Variants in THSD7A observed in about 807,000 individuals in gnomAD.
The protein encoded by THSD7A is thrombospondin type-1 domain-containing protein 7A.
A neutral mutation model predicts 231.3 loss-of-function variants in THSD7A; 96 were observed. The observed-to-expected ratio is 0.41, with a 90% CI of 0.35 to 0.49. The LOEUF is 0.49. Among genes scored for constraint, THSD7A ranks in the 20% least tolerant of loss-of-function variants. THSD7A has a pLI of 0.05. For missense variants in THSD7A, 2,290 were observed against 2,070.2 expected (o/e 1.11, Z -2.06); for synonymous variants, 940 against 743.3 (o/e 1.26, Z -4.30).
At chr7:11,749,361 T>TCC (rs1782423487) in intron 1 of THSD7A, among the ~76,000 whole-genome samples, 1 of 151,864 alleles carries the variant, frequency 6.6e-6, no homozygotes, top group Non-Finnish European at 1.5e-5. Context: ...CCCCCTTAAT[T>TCC]CTTAGAGCAT....
At chr7:11,398,121 G>T (rs6954956) in intron 23 of THSD7A, among the ~76,000 whole-genome samples, 3 of 151,852 alleles carry the variant, frequency 2.0e-5, no homozygotes, top group Admixed American at 2.0e-4. Flanking sequence ...CAATAGCGAA[G>T]ACTTGGAACC....
chr7:11,546,448 A>C (rs1789404610), intron 4 of THSD7A, among the ~76,000 whole-genome samples: 1 of 152,158 alleles, frequency 6.6e-6, no homozygotes, highest in Admixed American at 6.5e-5. Flanking sequence ...TCCCCAGTGT[A>C]CTGAGCTGAG....
At chr7:11,695,701 G>T (rs943868113) in intron 1 of THSD7A, among the ~76,000 whole-genome samples, 3 of 151,482 alleles carry the variant, frequency 2.0e-5, no homozygotes, top group Non-Finnish European at 1.5e-5. Flanking sequence ...AAGATAGTAG[G>T]TTAGGACATT....
chr7:11,625,667 C>T (rs187220649), intron 2 of THSD7A, among the ~76,000 whole-genome samples: 14 of 151,314 alleles, frequency 9.3e-5, no homozygotes, highest in African/African-American at 3.4e-4. Flanking sequence ...AATGTGTTAG[C>T]AGACTCTAAA....
chr7:11,528,573 T>C (rs1467249840), intron 6 of THSD7A, among the ~76,000 whole-genome samples: 1 of 152,220 alleles, frequency 6.6e-6, no homozygotes, highest in Non-Finnish European at 1.5e-5. Flanking sequence ...ATTAATCTTC[T>C]ATAATTTTAT....
intron 23 of THSD7A, among the ~76,000 whole-genome samples, chr7:11,397,725 A>G (rs556287749): frequency 8.9e-4 from 135 of 152,322 alleles, no homozygotes; most frequent in African/African-American, 2.8e-3. Context: ...CAACAACCCC[A>G]TGAAAAAGTG....
At chr7:11,789,312 C>T (rs754520712) in intron 1 of THSD7A, among the ~76,000 whole-genome samples, 53 of 152,052 alleles carry the variant, frequency 3.5e-4, no homozygotes, top group African/African-American at 1.2e-3. Context: ...TTTTATTATG[C>T]TTTTATTCTG....
intron 1 of THSD7A, among the ~76,000 whole-genome samples, chr7:11,697,480 T>G (rs1780438049): frequency 6.6e-6 from 1 of 151,384 alleles, no homozygotes; most frequent in African/African-American, 2.4e-5. Context: ...CATAGTATTT[T>G]GTATGATATT....
At chr7:11,552,483 T>G (rs1789672671) in intron 4 of THSD7A, among the ~76,000 whole-genome samples, 1 of 152,068 alleles carries the variant, frequency 6.6e-6, no homozygotes, top group Non-Finnish European at 1.5e-5. Context: ...GCCACAAAAT[T>G]TTGAGCTACA....
intron 19 of THSD7A, among the ~76,000 whole-genome samples, chr7:11,409,256 T>C (rs1044045268): frequency 6.6e-6 from 1 of 152,224 alleles, no homozygotes; most frequent in African/African-American, 2.4e-5. Flanking sequence ...TTTTCCTCTT[T>C]GTTAGATAAC....
intron 1 of THSD7A, among the ~76,000 whole-genome samples, chr7:11,779,057 T>C (rs1046705232): frequency 1.3e-5 from 2 of 152,152 alleles, no homozygotes; most frequent in Admixed American, 1.3e-4. Flanking sequence ...GTTAAGTCTC[T>C]AATGGGTTTG....
chr7:11,722,422 A>G (rs989073937), intron 1 of THSD7A, among the ~76,000 whole-genome samples: 2 of 151,934 alleles, frequency 1.3e-5, no homozygotes, highest in African/African-American at 2.4e-5. Flanking sequence ...GGAACATAAA[A>G]TTGGTCTTTT....
intron 6 of THSD7A, among the ~76,000 whole-genome samples, chr7:11,488,991 T>A (rs62438206): frequency 0.075 from 11,343 of 152,114 alleles, 542 homozygotes; most frequent in Non-Finnish European, 0.1. Flanking sequence ...CCAGATGGAG[T>A]TGTGCTCTGC....
intron 4 of THSD7A, among the ~76,000 whole-genome samples, chr7:11,568,624 CAAAAAAAAAAAAAA>C (rs33930587): frequency 4.1e-5 from 2 of 48,984 alleles, no homozygotes; most frequent in Admixed American, 9.0e-4. Context: ...AACTCCGTCT[CAAAAAAAAAAAAAA>C]AAAAAAAAAA....
At chr7:11,576,311 C>A (rs544611799) in intron 4 of THSD7A, among the ~76,000 whole-genome samples, 4 of 152,266 alleles carry the variant, frequency 2.6e-5, no homozygotes, top group Non-Finnish European at 4.4e-5. Flanking sequence ...CAAGCAATTT[C>A]TTTTCTAACT....
chr7:11,487,727 G>A (rs964655931), intron 6 of THSD7A, among the ~76,000 whole-genome samples: 7 of 151,884 alleles, frequency 4.6e-5, no homozygotes, highest in Non-Finnish European at 2.9e-5. Flanking sequence ...AACTCCCATT[G>A]AAAAAAACTA....
chr7:11,680,000 A>G (rs1783805093), intron 1 of THSD7A, among the ~76,000 whole-genome samples: 1 of 152,100 alleles, frequency 6.6e-6, no homozygotes, highest in African/African-American at 2.4e-5. Context: ...AAACAGATAT[A>G]TAGACCAATG....
At chr7:11,755,028 A>T (rs1392001413) in intron 1 of THSD7A, among the ~76,000 whole-genome samples, 1 of 152,110 alleles carries the variant, frequency 6.6e-6, no homozygotes, top group Non-Finnish European at 1.5e-5. Context: ...CACTAACAAC[A>T]CAAATTATAT....
chr7:11,789,389 A>C (rs1783882667), intron 1 of THSD7A, among the ~76,000 whole-genome samples: 1 of 152,088 alleles, frequency 6.6e-6, no homozygotes, highest in African/African-American at 2.4e-5. Context: ...ACTGCTGTGC[A>C]GAGGGCAAGA....
Sources: gnomAD v4.1 joint callset for allele counts (sites outside exome capture counted in the v4.1 genomes callset) on GRCh38, gnomAD v4.1.1 for gene constraint, MANE v1.5 for transcripts, NCBI Gene and HGNC (gene_info 2026-07-23, HGNC 2026-07-21) for gene names.